SPATS2: variants seen among roughly 807,000 people sequenced by gnomAD.
SPATS2 encodes the protein spermatogenesis associated serine rich 2.
Under a neutral mutation model 63.7 loss-of-function variants are expected in SPATS2, and 38 were observed. The ratio of observed to expected loss-of-function variants is 0.60; its 90% CI spans 0.46 to 0.78. The LOEUF (loss-of-function observed/expected upper bound fraction) is 0.78. SPATS2 is among the 30% of genes least tolerant of loss of function. The pLI is 0.00. For synonymous variants in SPATS2, 207 were observed against 232.9 expected (o/e 0.89, Z 1.01); for missense variants, 588 against 666.2 (o/e 0.88, Z 1.29).
chr12:49,445,779 C>G (rs1945499642), intron 2 of SPATS2, among the ~76,000 whole-genome samples: 1 of 152,124 alleles, frequency 6.6e-6, no homozygotes, highest in African/African-American at 2.4e-5. Flanking sequence ...CCTCGGCCTC[C>G]CAAAGTGCTA....
At chr12:49,509,835 A>G (rs914805061) in intron 9 of SPATS2, among the ~76,000 whole-genome samples, 1 of 151,486 alleles carries the variant, frequency 6.6e-6, no homozygotes, top group Non-Finnish European at 1.5e-5. Flanking sequence ...AAGGGAAGGA[A>G]AAAAACTATT....
At chr12:49,460,112 A>T (rs575476587) in intron 2 of SPATS2, among the ~76,000 whole-genome samples, 1 of 151,794 alleles carries the variant, frequency 6.6e-6, no homozygotes, top group African/African-American at 2.4e-5. Context: ...CCGCCTCAAA[A>T]AAACAAACAA....
chr12:49,475,057 C>T lies in SPATS2; in HGVS notation c.26-9533C>T, dbSNP rs141325015. On this transcript the variant is annotated intron_variant, in intron 3 of 13. Transcript: ENST00000552918. ...CACCCATGATTCAGTCATCTCCCAC[C>T]GGGTCTGTCCCACAACACATGGGAA... Among the ~76,000 whole-genome samples, 517 of 152,252 alleles carry T rather than the reference C, an allele frequency of 3.4e-3. 2 individuals are homozygous for T. The highest frequency in any genetic ancestry group is 5.7e-3 in the Non-Finnish European group (390 of 68,024).
chr12:49,516,810 C>A (rs1946859563), intron 10 of SPATS2, among the ~76,000 whole-genome samples: 1 of 152,046 alleles, frequency 6.6e-6, no homozygotes, highest in Non-Finnish European at 1.5e-5. Flanking sequence ...TGTGGCCAAT[C>A]TTATTTTATC....
chr12:49,432,246 G>A (rs1945197845), intron 2 of SPATS2, among the ~76,000 whole-genome samples: 1 of 152,220 alleles, frequency 6.6e-6, no homozygotes, highest in South Asian at 2.1e-4. Context: ...GGGTGAGGCA[G>A]GTGGATCATG....
At chr12:49,440,911 A>G (rs1301902224) in intron 2 of SPATS2, among the ~76,000 whole-genome samples, 1 of 152,206 alleles carries the variant, frequency 6.6e-6, no homozygotes, top group South Asian at 2.1e-4. Flanking sequence ...GTATTTCAGG[A>G]GCCACATGAT....
chr12:49,493,433 A>C (rs1220029786), intron 6 of SPATS2, among the ~76,000 whole-genome samples: 1 of 146,848 alleles, frequency 6.8e-6, no homozygotes, highest in African/African-American at 2.5e-5. Context: ...ATGGAGTGTC[A>C]CTCTGTTGCC....
chr12:49,510,487 C>T (rs1946734011), intron 9 of SPATS2, among the ~76,000 whole-genome samples: 1 of 150,752 alleles, frequency 6.6e-6, no homozygotes, highest in Non-Finnish European at 1.5e-5. Flanking sequence ...TTGCTTGAGC[C>T]CAGGAGGCGG....
At chr12:49,410,705 C>G (rs537537796) in intron 2 of SPATS2, among the ~76,000 whole-genome samples, 2 of 151,992 alleles carry the variant, frequency 1.3e-5, no homozygotes, top group Non-Finnish European at 2.9e-5. Context: ...CTCACTGATA[C>G]GTTTATTCCT....
At position 49,449,207 on chromosome 12, in the gene SPATS2, T is replaced by TTTTG. The variant is rs996996620; in HGVS notation, c.-243-11543_-243-11540dup. 3.7e-4 allele frequency among the ~76,000 whole-genome samples: 56 copies of TTTTG among 152,252 alleles called. 1 individual carries two copies. Among genetic ancestry groups the TTTTG allele is most frequent in the South Asian group, 6.2e-4 (3 of 4,820 alleles). On this transcript the variant is annotated intron_variant, in intron 2 of 13. Transcript: ENST00000552918. The stretch of plus-strand genomic sequence containing the variant: ...GTATTACTGATTTTCTGTCTGTTTT[T>TTTTG]TTTGTTTGTTTGTTTGTTTGTTTTC...
intron 2 of SPATS2, among the ~76,000 whole-genome samples, chr12:49,419,738 G>A (rs567707525): frequency 2.6e-4 from 40 of 152,250 alleles, no homozygotes; most frequent in African/African-American, 9.4e-4. Flanking sequence ...CCTTTCATAT[G>A]ACATATACTA....
chr12:49,371,190 A>T (rs571417775), intron 1 of SPATS2, 38 bp from the exon 2 acceptor site: 1 of 152,334 alleles, frequency 6.6e-6, no homozygotes, highest in Non-Finnish European at 1.5e-5. Context: ...CTCTATATCT[A>T]TTAAACAATA....
intron 2 of SPATS2, among the ~76,000 whole-genome samples, chr12:49,384,331 TTC>T: frequency 6.6e-6 from 1 of 152,344 alleles, no homozygotes; most frequent in South Asian, 2.1e-4. Context: ...ATGCTTTTTC[TTC>T]TCTCTTTTTA....
chr12:49,504,579 T>C (rs1946623065), intron 9 of SPATS2, among the ~76,000 whole-genome samples: 1 of 152,114 alleles, frequency 6.6e-6, no homozygotes, highest in South Asian at 2.1e-4. Flanking sequence ...AAAGTTTCCA[T>C]TTTATGAAAG....
chr12:49,525,759 A>G (rs536548417), intron 13 of SPATS2, among the ~76,000 whole-genome samples, 185 bp from the exon 14 acceptor site: 1 of 152,352 alleles, frequency 6.6e-6, no homozygotes, highest in Admixed American at 6.5e-5. Context: ...AGAGCAGGGA[A>G]AGATGGATTA....
chr12:49,498,314 A>G (rs1946503902), intron 8 of SPATS2, among the ~76,000 whole-genome samples: 1 of 151,938 alleles, frequency 6.6e-6, no homozygotes, highest in South Asian at 2.1e-4. Context: ...AATCAATTAT[A>G]TATGTAATTT....
At chr12:49,512,842 G>A (rs992383160) in intron 9 of SPATS2, 1 of 1,287,778 alleles carries the variant, frequency 7.8e-7, no homozygotes, top group Non-Finnish European at 1.0e-6. Context: ...TCTCAGTTGT[G>A]CTTTTGTTTT....
chr12:49,378,397 A>T (rs972592701), intron 2 of SPATS2, among the ~76,000 whole-genome samples: 1 of 151,894 alleles, frequency 6.6e-6, no homozygotes, highest in Non-Finnish European at 1.5e-5. Flanking sequence ...TCCCGGGATC[A>T]AGCGATTGTC....
intron 2 of SPATS2, among the ~76,000 whole-genome samples, chr12:49,392,869 T>TG (rs1194457029): frequency 2.6e-5 from 4 of 151,854 alleles, no homozygotes; most frequent in African/African-American, 9.7e-5. Flanking sequence ...CTGGCCAACA[T>TG]GGTGAAACCC....
Sources: allele counts gnomAD v4.1 joint callset (sites outside exome capture counted in the v4.1 genomes callset), GRCh38; gene constraint gnomAD v4.1.1; transcripts MANE v1.5; gene names NCBI Gene and HGNC (gene_info 2026-07-23, HGNC 2026-07-21).